CADM1: variants seen among roughly 807,000 people sequenced by gnomAD.
CADM1 encodes the protein TSLC-1.
CADM1 carries 15 observed loss-of-function variants against 53.1 expected under a neutral mutation model. That is an observed-to-expected ratio of 0.28 (90% CI 0.19 to 0.44). CADM1 has a LOEUF of 0.44. Ranked by LOEUF, CADM1 falls within the 20% of genes least tolerant of loss-of-function variation. The pLI is 1.00. For missense variants in CADM1, 434 were observed against 611.3 expected (o/e 0.71, Z 3.06); for synonymous variants, 281 against 243.0 (o/e 1.16, Z -1.45).
intron 3 of CADM1, among the ~76,000 whole-genome samples, chr11:115,232,305 T>G (rs1279511445): frequency 6.6e-6 from 1 of 152,170 alleles, no homozygotes; most frequent in Non-Finnish European, 1.5e-5. Flanking sequence ...ACAGAAAAAT[T>G]GTCTCAAACC....
intron 1 of CADM1, among the ~76,000 whole-genome samples, chr11:115,254,884 C>T (rs942426380): frequency 2.8e-4 from 43 of 151,958 alleles, no homozygotes; most frequent in African/African-American, 9.9e-4. Flanking sequence ...CAATAGGGGG[C>T]CATTAAGTGA....
chr11:115,433,135 C>T (rs928483546), intron 1 of CADM1, among the ~76,000 whole-genome samples: 11 of 152,052 alleles, frequency 7.2e-5, no homozygotes, highest in African/African-American at 2.4e-4. Context: ...ACCCCCCCAC[C>T]CAAACATCAC....
At chr11:115,433,464 T>C (rs1277894995) in intron 1 of CADM1, among the ~76,000 whole-genome samples, 1 of 152,210 alleles carries the variant, frequency 6.6e-6, no homozygotes. Context: ...TTTTGAGTTA[T>C]GTGACCATTT....
intron 1 of CADM1, among the ~76,000 whole-genome samples, chr11:115,369,817 T>C (rs537045400): frequency 1.1e-4 from 17 of 152,320 alleles, no homozygotes; most frequent in African/African-American, 3.8e-4. Context: ...CTGACTCTAA[T>C]ATTAACAGAA....
At chr11:115,462,581 G>T (rs1591269754) in intron 1 of CADM1, among the ~76,000 whole-genome samples, 1 of 152,186 alleles carries the variant, frequency 6.6e-6, no homozygotes. Context: ...AGAGCCCCAT[G>T]AACCTATTAA....
At chr11:115,360,010 T>C (rs1945985267) in intron 1 of CADM1, among the ~76,000 whole-genome samples, 1 of 152,196 alleles carries the variant, frequency 6.6e-6, no homozygotes, top group African/African-American at 2.4e-5. Context: ...TATCCATTCA[T>C]TGTTCACCTA....
At chr11:115,295,673 C>G (rs989775958) in intron 1 of CADM1, among the ~76,000 whole-genome samples, 2 of 151,148 alleles carry the variant, frequency 1.3e-5, no homozygotes, top group Non-Finnish European at 2.9e-5. Context: ...AAGTTCCTAA[C>G]ATAATATTCA....
chr11:115,201,541 T>A (rs998776751), intron 8 of CADM1, among the ~76,000 whole-genome samples: 5 of 152,204 alleles, frequency 3.3e-5, no homozygotes, highest in Non-Finnish European at 7.3e-5. Context: ...AAACACACCC[T>A]GTGAATCAAC....
chr11:115,217,720 A>G (rs1237612439), intron 6 of CADM1, among the ~76,000 whole-genome samples, 172 bp downstream of exon 6: 1 of 152,194 alleles, frequency 6.6e-6, no homozygotes, highest in Non-Finnish European at 1.5e-5. Context: ...CTGACCATTA[A>G]GAACTATGGA....
rs1440231513 is a variant in CADM1, at chr11:115,171,609, T to C, written c.*4865A>G. 1 of 152,218 alleles carries C rather than the reference T, an allele frequency of 6.6e-6. No individual in the cohort carries two copies. Among genetic ancestry groups the C allele is most frequent in the African/African-American group, 2.4e-5 (1 of 41,446 alleles). The allele number at this position is 152,218 out of a possible 1,614,324, so 9.4% of individuals were successfully genotyped here. On this transcript the variant is annotated 3_prime_UTR_variant, in exon 12 of 12. Coordinates refer to ENST00000331581, the MANE Select transcript of CADM1 (RefSeq NM_001301043.2). ...AGATCCTTTGAGCGGGGACGGCTTC[T>C]AGCACCTTCTCATTTGCATACCCTG...
At chr11:115,341,965 C>T (rs1364937809) in intron 1 of CADM1, among the ~76,000 whole-genome samples, 1 of 152,154 alleles carries the variant, frequency 6.6e-6, no homozygotes, top group Non-Finnish European at 1.5e-5. Flanking sequence ...ATACAATTTA[C>T]TTCTTGCTTA....
intron 1 of CADM1, among the ~76,000 whole-genome samples, chr11:115,242,193 A>G (rs1942259235): frequency 6.6e-6 from 1 of 152,150 alleles, no homozygotes; most frequent in Non-Finnish European, 1.5e-5. Context: ...GAGCTCTAGG[A>G]TCCAGGGAAT....
At chr11:115,438,730 G>T (rs186353616) in intron 1 of CADM1, among the ~76,000 whole-genome samples, 1 of 149,784 alleles carries the variant, frequency 6.7e-6, no homozygotes, top group Non-Finnish European at 1.5e-5. Flanking sequence ...CAAAAAAAAA[G>T]GTCCATTTAT....
At chr11:115,280,558 A>G (rs1312002588) in intron 1 of CADM1, among the ~76,000 whole-genome samples, 1 of 152,232 alleles carries the variant, frequency 6.6e-6, no homozygotes, top group Non-Finnish European at 1.5e-5. Flanking sequence ...TTACCCTGAT[A>G]AGGCAATCCA....
intron 5 of CADM1, among the ~76,000 whole-genome samples, chr11:115,225,726 CCTCT>C (rs1941581492): frequency 6.6e-6 from 1 of 152,150 alleles, no homozygotes. Context: ...TTTTATCCTT[CCTCT>C]CTTTTTTCCC....
chr11:115,304,470 T>G (rs1343912213), intron 1 of CADM1, among the ~76,000 whole-genome samples: 1 of 152,048 alleles, frequency 6.6e-6, no homozygotes, highest in Non-Finnish European at 1.5e-5. Flanking sequence ...ATCAAATGCT[T>G]TGATAGAAAA....
At chr11:115,284,672 CTGAT>C (rs1330904525) in intron 1 of CADM1, among the ~76,000 whole-genome samples, 1 of 152,098 alleles carries the variant, frequency 6.6e-6, no homozygotes, top group Non-Finnish European at 1.5e-5. Flanking sequence ...CCCAGTCACT[CTGAT>C]TAATTTTTTT....
chr11:115,442,519 A>G (rs372617259), intron 1 of CADM1, among the ~76,000 whole-genome samples: 1 of 152,178 alleles, frequency 6.6e-6, no homozygotes, highest in East Asian at 1.9e-4. Context: ...CTCTTCTCCC[A>G]TTGGAAGACC....
At chr11:115,502,660 C>T (rs1425544764) in intron 1 of CADM1, among the ~76,000 whole-genome samples, 1 of 152,154 alleles carries the variant, frequency 6.6e-6, no homozygotes, top group Non-Finnish European at 1.5e-5. Context: ...GGAATTGACG[C>T]TGCTGCCAGA....
Sources: allele counts gnomAD v4.1 joint callset (sites outside exome capture counted in the v4.1 genomes callset), GRCh38; gene constraint gnomAD v4.1.1; transcripts MANE v1.5; gene names NCBI Gene and HGNC (gene_info 2026-07-23, HGNC 2026-07-21).